The following ASTN2 variants were observed in gnomAD, a reference collection of about 807,000 sequenced individuals.
The protein encoded by ASTN2 is astrotactin-2.
Under a neutral mutation model 139.8 loss-of-function variants are expected in ASTN2, and 54 were observed. The observed-to-expected ratio is 0.39, with a 90% CI of 0.31 to 0.48. The LOEUF (loss-of-function observed/expected upper bound fraction) is 0.48. Ranked by LOEUF, ASTN2 falls within the 20% of genes least tolerant of loss-of-function variation. The pLI is 0.95. For synonymous variants in ASTN2, 756 were observed against 719.5 expected (o/e 1.05, Z -0.81); for missense variants, 1,565 against 1,725.1 (o/e 0.91, Z 1.64).
intron 2 of ASTN2, among the ~76,000 whole-genome samples, chr9:117,253,803 C>T (rs1001947015): frequency 2.6e-5 from 4 of 152,144 alleles, no homozygotes; most frequent in Admixed American, 2.6e-4. Context: ...ACCTCTTGTC[C>T]TAGAATGAAG....
At chr9:117,177,259 C>T (rs772893018) in intron 3 of ASTN2, among the ~76,000 whole-genome samples, 5 of 152,200 alleles carry the variant, frequency 3.3e-5, no homozygotes, top group Non-Finnish European at 5.9e-5. Flanking sequence ...TGCTCTGTAA[C>T]TAACTTAATA....
chr9:116,656,150 C>G lies in ASTN2; in HGVS notation c.2807-4357G>C, dbSNP rs143085373. Reference sequence around the variant, plus strand: ...TCAGTTTTGCTGATCCCATATCCATCTTACACAGTACCTGGAACACAGCAG... The same window carrying G: ...TCAGTTTTGCTGATCCCATATCCATGTTACACAGTACCTGGAACACAGCAG... On this transcript the variant is annotated intron_variant, in intron 16 of 22. Transcript: ENST00000313400. 5.1e-4 allele frequency among the ~76,000 whole-genome samples: 77 copies of G among 152,260 alleles called. No homozygotes were observed. The East Asian group carries it at 0.012, about 23-fold the overall frequency.
chr9:117,327,419 A>G (rs1361963973), intron 1 of ASTN2, among the ~76,000 whole-genome samples: 2 of 152,198 alleles, frequency 1.3e-5, no homozygotes, highest in South Asian at 2.1e-4. Flanking sequence ...GTAGAAATGC[A>G]TGGAAGTATA....
intron 20 of ASTN2, among the ~76,000 whole-genome samples, chr9:116,464,500 C>T (rs1848592223): frequency 6.6e-6 from 1 of 152,126 alleles, no homozygotes. Context: ...GAGTGACTGG[C>T]CCACAGCATT....
At position 117,115,025 on chromosome 9, in the gene ASTN2, G is replaced by A. The variant is rs148134887; in HGVS notation, c.1169-18874C>T. On this transcript the variant is annotated intron_variant, in intron 4 of 22. Transcript: ENST00000313400. ...TGGCTACAACTATATGAGACACCCC[G>A]AAGCAAGAACTGCCCAGCCAAGCCC... Among the ~76,000 whole-genome samples the A allele has an allele frequency of 1.6e-4, 25 of 152,214 alleles. No individual in the cohort carries two copies. The East Asian group carries it at 3.3e-3, about 20-fold the overall frequency.
At chr9:116,603,928 T>C (rs1298741283) in intron 19 of ASTN2, among the ~76,000 whole-genome samples, 1 of 152,130 alleles carries the variant, frequency 6.6e-6, no homozygotes, top group Admixed American at 6.5e-5. Flanking sequence ...GGTTGATCCA[T>C]ATAATTAATT....
At chr9:117,316,675 C>G (rs1260275581) in intron 1 of ASTN2, among the ~76,000 whole-genome samples, 1 of 152,130 alleles carries the variant, frequency 6.6e-6, no homozygotes. Context: ...ATTGAATGAC[C>G]GGAACACTCT....
intron 10 of ASTN2, among the ~76,000 whole-genome samples, chr9:116,971,778 C>T (rs1468814546): frequency 1.3e-5 from 2 of 152,178 alleles, no homozygotes; most frequent in Non-Finnish European, 2.9e-5. Flanking sequence ...AAAGAGTTCA[C>T]CAGGTAGCAA....
intron 19 of ASTN2, among the ~76,000 whole-genome samples, chr9:116,557,221 CT>C (rs1188349358): frequency 1.8e-5 from 1 of 56,728 alleles, no homozygotes; most frequent in African/African-American, 9.1e-5. Flanking sequence ...GAGACTCTGT[CT>C]CAAAAAAAAA....
At chr9:117,036,723 C>T (rs1208910178) in intron 6 of ASTN2, among the ~76,000 whole-genome samples, 2 of 152,148 alleles carry the variant, frequency 1.3e-5, no homozygotes, top group Non-Finnish European at 2.9e-5. Context: ...CCCATTTCTT[C>T]CTGCAATAAC....
rs1349823816 is a variant in ASTN2, at chr9:117,223,455, G to A, written c.631-8713C>T. Among the ~76,000 whole-genome samples the A allele has an allele frequency of 2.0e-5, 3 of 152,318 alleles. No homozygotes were observed. The East Asian group carries it at 5.8e-4, about 29-fold the overall frequency. On this transcript the variant is annotated intron_variant, in intron 2 of 22. Coordinates refer to ENST00000313400, the MANE Select transcript of ASTN2 (RefSeq NM_001365068.1). ...AGAGAGATGATGAGACCAGAACTAA[G>A]AGAGTTAAAGTGGTGGGTCAGCTAA...
At chr9:116,814,072 A>C (rs1831243167) in intron 12 of ASTN2, among the ~76,000 whole-genome samples, 1 of 151,748 alleles carries the variant, frequency 6.6e-6, no homozygotes, top group Admixed American at 6.6e-5. Flanking sequence ...AGAGAAAAGT[A>C]GTTAAGGGTA....
chr9:116,565,255 C>CACACACACACACACACAT (rs1237588683), intron 19 of ASTN2, among the ~76,000 whole-genome samples: 1 of 110,946 alleles, frequency 9.0e-6, no homozygotes, highest in African/African-American at 4.0e-5. Context: ...CACACACACA[C>CACACACACACACACACAT]ACATATGCCC....
intron 12 of ASTN2, among the ~76,000 whole-genome samples, chr9:116,813,949 T>C (rs1275356834): frequency 6.6e-6 from 1 of 151,418 alleles, no homozygotes; most frequent in East Asian, 1.9e-4. Flanking sequence ...GGCAGGAGAA[T>C]TGTTTGAACC....
chr9:117,031,167 G>T (rs1838236834), intron 6 of ASTN2, among the ~76,000 whole-genome samples: 1 of 152,092 alleles, frequency 6.6e-6, no homozygotes, highest in African/African-American at 2.4e-5. Context: ...TTTATTTTTG[G>T]GGATGGGAGC....
intron 17 of ASTN2, among the ~76,000 whole-genome samples, chr9:116,628,118 T>C (rs1036621231): frequency 1.6e-4 from 24 of 152,208 alleles, no homozygotes; most frequent in African/African-American, 5.5e-4. Context: ...TTAGCAGATA[T>C]TGGGATTTTT....
chr9:117,003,953 C>CGCGCGCGCGTGTGTGTGTGT lies in ASTN2; in HGVS notation c.1591+4138_1591+4139insACACACACACACGCGCGCGC, dbSNP rs1218309835. 2.7e-3 allele frequency among the ~76,000 whole-genome samples: 396 copies of CGCGCGCGCGTGTGTGTGTGT among 146,240 alleles called. 2 individuals are homozygous for CGCGCGCGCGTGTGTGTGTGT. The highest frequency in any genetic ancestry group is 1.0e-2 in the African/African-American group (382 of 38,246). On this transcript the variant is annotated intron_variant, in intron 7 of 22. Transcript: ENST00000313400. ...TGTGTTTCTTTCACGCGCGCGCGCG[C>CGCGCGCGCGTGTGTGTGTGT]GTGTGTGTGTGTGTGTGTGTGTGTT...
intron 5 of ASTN2, among the ~76,000 whole-genome samples, chr9:117,087,275 C>T (rs1828591121): frequency 6.6e-6 from 1 of 151,656 alleles, no homozygotes; most frequent in Non-Finnish European, 1.5e-5. Flanking sequence ...CACTCTGATG[C>T]CCAGTCTTTA....
At chr9:116,608,287 A>G (rs751232449) in intron 19 of ASTN2, among the ~76,000 whole-genome samples, 5 of 152,218 alleles carry the variant, frequency 3.3e-5, no homozygotes, top group Non-Finnish European at 5.9e-5. Flanking sequence ...TGATTGATGT[A>G]TGTACATGAG....
Sources: allele counts gnomAD v4.1 joint callset (sites outside exome capture counted in the v4.1 genomes callset), GRCh38; gene constraint gnomAD v4.1.1; transcripts MANE v1.5; gene names NCBI Gene and HGNC (gene_info 2026-07-23, HGNC 2026-07-21).